FUT8: variants seen among roughly 807,000 people sequenced by gnomAD.
FUT8 encodes alpha-(1,6)-fucosyltransferase.
A neutral mutation model predicts 71.3 loss-of-function variants in FUT8; 29 were observed. The observed-to-expected ratio is 0.41, with a 90% CI of 0.30 to 0.55. The LOEUF is 0.55. FUT8 is among the 20% of genes least tolerant of loss of function. The probability of loss-of-function intolerance (pLI) is 0.34; values close to 1 mark genes in which losing one functional copy is unlikely to be tolerated. For synonymous variants in FUT8, 254 were observed against 239.3 expected (o/e 1.06, Z -0.57); for missense variants, 544 against 702.1 (o/e 0.77, Z 2.55).
intron 6 of FUT8, among the ~76,000 whole-genome samples, chr14:65,664,647 C>G (rs1892121784): frequency 6.6e-6 from 1 of 152,118 alleles, no homozygotes; most frequent in Non-Finnish European, 1.5e-5. Flanking sequence ...CCTTCTCAGT[C>G]TTTCCTTTGG....
intron 2 of FUT8, among the ~76,000 whole-genome samples, chr14:65,555,995 C>A (rs1485898078): frequency 2.0e-5 from 3 of 152,178 alleles, no homozygotes; most frequent in Non-Finnish European, 4.4e-5. Flanking sequence ...GTGATTAAGA[C>A]TCAGTTCTGT....
the FUT8 span, among the ~76,000 whole-genome samples, chr14:65,360,922 T>C: frequency 4.6e-5 from 7 of 152,176 alleles, no homozygotes; most frequent in Admixed American, 4.6e-4. Context: ...CTCAAAAAAA[T>C]TGTTCTGCAA....
Position 65,616,225 on chromosome 14 carries a change from C to A in FUT8, c.334C>A (p.His112Asn). 6.2e-7 allele frequency: 1 copy of A among 1,605,698 alleles called. No individual in the cohort carries two copies. Among genetic ancestry groups the A allele is most frequent in the South Asian group, 1.1e-5 (1 of 90,138 alleles). Reference protein sequence around the residue: ...KQTRNGLGKDHEILRRRIENG... With the variant: ...KQTRNGLGKDNEILRRRIENG... ...TTTGACTACAGGTCTGGGGAAGGAT[C>A]ATGAAATCCTGAGGAGGAGGATTGA... Residue 112 changes from histidine to asparagine, a missense_variant, in exon 5 of 11, where the codon CAT (histidine) becomes AAT (asparagine). Physicochemically the swap from His to Asn is moderately conservative, Grantham distance 68. Coordinates refer to ENST00000673929, the MANE Select transcript of FUT8 (RefSeq NM_001371533.1).
At chr14:65,497,328 G>A (rs982162970) in intron 2 of FUT8, among the ~76,000 whole-genome samples, 7 of 152,114 alleles carry the variant, frequency 4.6e-5, no homozygotes, top group African/African-American at 1.7e-4. Context: ...TGTGGTTCAA[G>A]GATAATCTGC....
rs529112569 is a variant in FUT8 at position 65,632,520 on chromosome 14, G to A, written c.597+2914G>A. Among the ~76,000 whole-genome samples, 48 of 151,988 alleles carry A rather than the reference G, an allele frequency of 3.2e-4. 1 individual carries two copies. Among genetic ancestry groups the A allele is most frequent in the Non-Finnish European group, 6.2e-4 (42 of 67,992 alleles). ...CATGTTTGTTGGCCATTTGTATATC[G>A]TCTTTTGAGAATTGTCTATTCATAG... On this transcript the variant is annotated intron_variant, in intron 6 of 10. Transcript: ENST00000673929.
intron 9 of FUT8, among the ~76,000 whole-genome samples, chr14:65,729,715 A>G (rs549913402): frequency 6.6e-6 from 1 of 152,236 alleles, no homozygotes; most frequent in South Asian, 2.1e-4. Flanking sequence ...TCCATAGCAC[A>G]GCATGACAGT....
At chr14:65,425,169 C>CTT (rs869280083) in intron 1 of FUT8, among the ~76,000 whole-genome samples, 3 of 143,738 alleles carry the variant, frequency 2.1e-5, no homozygotes, top group African/African-American at 2.5e-5. Context: ...AATGGAGTTT[C>CTT]TTTTTTTTTT....
At chr14:65,508,366 G>T (rs181157124) in intron 2 of FUT8, among the ~76,000 whole-genome samples, 8 of 151,532 alleles carry the variant, frequency 5.3e-5, no homozygotes, top group Non-Finnish European at 8.8e-5. Context: ...CACTGTGCCC[G>T]GCCGAACACT....
At chr14:65,368,009 T>G in the FUT8 span, among the ~76,000 whole-genome samples, 1 of 150,692 alleles carries the variant, frequency 6.6e-6, no homozygotes, top group Admixed American at 6.6e-5. Context: ...AATTTTCTAG[T>G]AACCACTTAA....
At chr14:65,538,605 C>T (rs995540513) in intron 2 of FUT8, among the ~76,000 whole-genome samples, 5 of 152,018 alleles carry the variant, frequency 3.3e-5, no homozygotes, top group Admixed American at 6.6e-5. Context: ...CCCTGGAAGT[C>T]GCTACTGATA....
the FUT8 span, among the ~76,000 whole-genome samples, chr14:65,365,029 TTAATC>T: frequency 6.6e-6 from 1 of 152,168 alleles, no homozygotes; most frequent in Non-Finnish European, 1.5e-5. Context: ...CAACTTCACA[TTAATC>T]TATTCTCCCT....
chr14:65,496,338 C>G (rs771385072), intron 2 of FUT8, among the ~76,000 whole-genome samples: 1 of 152,196 alleles, frequency 6.6e-6, no homozygotes, highest in Non-Finnish European at 1.5e-5. Flanking sequence ...CATCATAGTC[C>G]TATGACTGCC....
intron 2 of FUT8, among the ~76,000 whole-genome samples, chr14:65,501,507 T>C (rs961326409): frequency 6.6e-6 from 1 of 152,198 alleles, no homozygotes; most frequent in African/African-American, 2.4e-5. Flanking sequence ...TCACTGCTAC[T>C]GCTGGGGTGG....
intron 3 of FUT8, among the ~76,000 whole-genome samples, chr14:65,597,867 A>G (rs1437433437): frequency 2.0e-5 from 3 of 151,652 alleles, no homozygotes; most frequent in African/African-American, 4.8e-5. Context: ...TGTTCTTAAT[A>G]TGTTTTAATT....
intron 5 of FUT8, among the ~76,000 whole-genome samples, chr14:65,625,189 AT>A (rs1187281199): frequency 6.6e-6 from 1 of 152,180 alleles, no homozygotes; most frequent in Non-Finnish European, 1.5e-5. Context: ...GATGAAACCT[AT>A]GAAATATAAA....
At chr14:65,548,054 A>G (rs1440970382) in intron 2 of FUT8, among the ~76,000 whole-genome samples, 1 of 151,982 alleles carries the variant, frequency 6.6e-6, no homozygotes, top group African/African-American at 2.4e-5. Flanking sequence ...ACTTTTGAAG[A>G]GTACTGGTTA....
chr14:65,519,154 A>C (rs115941651), intron 2 of FUT8, among the ~76,000 whole-genome samples: 1,592 of 152,332 alleles, frequency 0.01, 30 homozygotes, highest in African/African-American at 0.037. Flanking sequence ...GATTTATGGT[A>C]TGGAACATTT....
intron 2 of FUT8, among the ~76,000 whole-genome samples, chr14:65,504,163 A>G (rs1360280181): frequency 6.6e-6 from 1 of 152,136 alleles, no homozygotes; most frequent in Admixed American, 6.5e-5. Flanking sequence ...TTGAACTTTC[A>G]TGTTCTTTTT....
upstream of FUT8, among the ~76,000 whole-genome samples, chr14:65,408,542 T>A (rs1370466348): frequency 6.6e-6 from 1 of 152,172 alleles, no homozygotes; most frequent in Non-Finnish European, 1.5e-5. Context: ...GAGTTTTGGG[T>A]GGTTACCTAA....
Sources: gnomAD v4.1 joint callset for allele counts (sites outside exome capture counted in the v4.1 genomes callset) on GRCh38, gnomAD v4.1.1 for gene constraint, MANE v1.5 for transcripts, NCBI Gene and HGNC (gene_info 2026-07-23, HGNC 2026-07-21) for gene names.